Variants in PTPRD observed in about 807,000 individuals in gnomAD.
The protein encoded by PTPRD is protein tyrosine phosphatase receptor type D.
In PTPRD, 34 loss-of-function variants were observed where a neutral mutation model predicts 214.5. The observed-to-expected ratio is 0.16, with a 90% CI of 0.12 to 0.21. PTPRD has a LOEUF of 0.21. Among genes scored for constraint, PTPRD ranks in the 10% least tolerant of loss-of-function variants. PTPRD has a pLI of 1.00. For missense variants in PTPRD, 2,545 were observed against 2,398.7 expected (o/e 1.06, Z -1.27); for synonymous variants, 1,128 against 845.7 (o/e 1.33, Z -5.79).
At chr9:8,798,803 T>C (rs2096503446) in intron 11 of PTPRD, among the ~76,000 whole-genome samples, 1 of 152,200 alleles carries the variant, frequency 6.6e-6, no homozygotes, top group African/African-American at 2.4e-5. Flanking sequence ...AATACAGTTA[T>C]TTTAGTCACA....
At chr9:9,360,442 T>A (rs1338010992) in intron 9 of PTPRD, among the ~76,000 whole-genome samples, 5 of 151,230 alleles carry the variant, frequency 3.3e-5, no homozygotes, top group African/African-American at 1.2e-4. Flanking sequence ...TATACTAAAC[T>A]CTTTTTCCTG....
chr9:8,324,820 G>T (rs1831992329), intron 44 of PTPRD, among the ~76,000 whole-genome samples: 1 of 148,360 alleles, frequency 6.7e-6, no homozygotes, highest in African/African-American at 2.4e-5. Context: ...GTATCTCATT[G>T]TGGTTTTGAT....
At chr9:8,853,864 G>A (rs1244886557) in intron 11 of PTPRD, among the ~76,000 whole-genome samples, 1 of 152,004 alleles carries the variant, frequency 6.6e-6, no homozygotes. Context: ...TATTTTCAAA[G>A]AAACTGAACA....
At chr9:10,422,253 C>G (rs1023773045) in intron 2 of PTPRD, among the ~76,000 whole-genome samples, 1 of 151,878 alleles carries the variant, frequency 6.6e-6, no homozygotes, top group South Asian at 2.1e-4. Flanking sequence ...AACTGGCTAG[C>G]CATATGTAGA....
intron 8 of PTPRD, among the ~76,000 whole-genome samples, chr9:9,530,056 A>G (rs962310251): frequency 2.6e-5 from 4 of 152,162 alleles, no homozygotes; most frequent in South Asian, 2.1e-4. Context: ...TCAAACAAAT[A>G]TACAGATTTC....
chr9:9,361,115 G>A (rs1000029430), intron 9 of PTPRD, among the ~76,000 whole-genome samples: 2 of 151,086 alleles, frequency 1.3e-5, no homozygotes, highest in Non-Finnish European at 3.0e-5. Flanking sequence ...ATCCATTTTA[G>A]TTTTTGTCAT....
At chr9:9,611,561 A>G (rs1455947947) in intron 7 of PTPRD, among the ~76,000 whole-genome samples, 1 of 152,116 alleles carries the variant, frequency 6.6e-6, no homozygotes, top group Non-Finnish European at 1.5e-5. Context: ...TAATCTGTAT[A>G]TGACTATAAA....
At chr9:8,622,814 T>G (rs778952222) in intron 14 of PTPRD, among the ~76,000 whole-genome samples, 13 of 152,014 alleles carry the variant, frequency 8.6e-5, no homozygotes, top group Non-Finnish European at 1.9e-4. Context: ...TTTAGAAACT[T>G]TTTCCTAAAA....
chr9:9,551,439 C>G (rs1228974765), intron 8 of PTPRD, among the ~76,000 whole-genome samples: 1 of 151,868 alleles, frequency 6.6e-6, no homozygotes, highest in Non-Finnish European at 1.5e-5. Context: ...AATTTTACAT[C>G]AATACAAGTC....
At chr9:9,458,391 T>C (rs1007364675) in intron 8 of PTPRD, among the ~76,000 whole-genome samples, 4 of 152,084 alleles carry the variant, frequency 2.6e-5, no homozygotes, top group Middle Eastern at 3.2e-3. Context: ...TAACATTGTA[T>C]GGTTTTAACA....
intron 11 of PTPRD, among the ~76,000 whole-genome samples, chr9:8,743,840 G>C (rs1215671940): frequency 6.7e-6 from 1 of 148,882 alleles, no homozygotes; most frequent in Non-Finnish European, 1.5e-5. Flanking sequence ...TATCAACAGA[G>C]TTAACAGACA....
intron 44 of PTPRD, among the ~76,000 whole-genome samples, chr9:8,320,687 A>T (rs1318075387): frequency 7.6e-6 from 1 of 132,246 alleles, no homozygotes; most frequent in Non-Finnish European, 1.7e-5. Flanking sequence ...TTGATCTCTG[A>T]ACTTAGCTAC....
At chr9:9,937,449 G>A (rs1364288778) in intron 5 of PTPRD, among the ~76,000 whole-genome samples, 2 of 149,684 alleles carry the variant, frequency 1.3e-5, no homozygotes, top group Non-Finnish European at 3.0e-5. Context: ...TAGTTCCATA[G>A]AATTTTACTA....
intron 9 of PTPRD, among the ~76,000 whole-genome samples, chr9:9,314,219 G>A (rs1036804510): frequency 6.6e-6 from 1 of 152,062 alleles, no homozygotes; most frequent in Non-Finnish European, 1.5e-5. Context: ...AAAGAGGACT[G>A]CTCTATTCTG....
intron 10 of PTPRD, among the ~76,000 whole-genome samples, chr9:9,135,744 A>T (rs2154477776): frequency 6.6e-6 from 1 of 152,350 alleles, no homozygotes. Context: ...TATGAATGTT[A>T]TATTGTAACA....
At chr9:8,646,257 A>C (rs1288882105) in intron 12 of PTPRD, among the ~76,000 whole-genome samples, 2 of 152,140 alleles carry the variant, frequency 1.3e-5, no homozygotes, top group African/African-American at 4.8e-5. Flanking sequence ...TCATCTCGAC[A>C]ATCAATATTA....
At chr9:9,285,696 T>C (rs1441862550) in intron 9 of PTPRD, among the ~76,000 whole-genome samples, 1 of 151,812 alleles carries the variant, frequency 6.6e-6, no homozygotes, top group Non-Finnish European at 1.5e-5. Context: ...TCATTTCATG[T>C]CTTGACCCCA....
intron 39 of PTPRD, among the ~76,000 whole-genome samples, chr9:8,342,937 G>A (rs1383019232): frequency 6.6e-6 from 1 of 152,106 alleles, no homozygotes; most frequent in African/African-American, 2.4e-5. Flanking sequence ...AATTAAAGAT[G>A]TTGTAGTATG....
At chr9:9,082,830 A>G (rs1216239357) in intron 10 of PTPRD, among the ~76,000 whole-genome samples, 1 of 152,142 alleles carries the variant, frequency 6.6e-6, no homozygotes, top group African/African-American at 2.4e-5. Flanking sequence ...AATACCTAGG[A>G]ATATAACTTG....
Sources: gnomAD v4.1 joint callset for allele counts (sites outside exome capture counted in the v4.1 genomes callset) on GRCh38, gnomAD v4.1.1 for gene constraint, MANE v1.5 for transcripts, NCBI Gene and HGNC (gene_info 2026-07-23, HGNC 2026-07-21) for gene names.